GPC5: variants seen among roughly 807,000 people sequenced by gnomAD.
GPC5 encodes the protein glypican 5.
Under a neutral mutation model 53.9 loss-of-function variants are expected in GPC5, and 47 were observed. The ratio of observed to expected loss-of-function variants is 0.87; its 90% CI spans 0.69 to 1.11. The LOEUF (loss-of-function observed/expected upper bound fraction) is 1.11, where lower values mean the gene tolerates loss of function less well. Ranked by LOEUF, GPC5 falls within the 50% of genes most tolerant of loss-of-function variation. The pLI is 0.00. For synonymous variants in GPC5, 286 were observed against 263.3 expected, an observed-to-expected ratio of 1.09 and a Z score of -0.84; for missense variants, 748 against 713.1, an observed-to-expected ratio of 1.05 and a Z score of -0.56.
At chr13:92,720,583 TATA>T (rs1168113272) in intron 7 of GPC5, among the ~76,000 whole-genome samples, 3 of 152,042 alleles carry the variant, frequency 2.0e-5, no homozygotes, top group African/African-American at 7.2e-5. Context: ...GAAATAAAAA[TATA>T]AGAGTATAAT....
intron 2 of GPC5, among the ~76,000 whole-genome samples, chr13:91,653,564 G>A (rs1436033437): frequency 6.6e-6 from 1 of 151,876 alleles, no homozygotes; most frequent in Non-Finnish European, 1.5e-5. Context: ...AATGCTTGAG[G>A]GAATGGACAC....
chr13:91,538,137 G>GAGGTATGA (rs1474438200), intron 2 of GPC5, among the ~76,000 whole-genome samples: 1 of 152,202 alleles, frequency 6.6e-6, no homozygotes, highest in African/African-American at 2.4e-5. Flanking sequence ...CCATAGATTA[G>GAGGTATGA]AGGTATGACT....
chr13:91,985,181 A>G (rs534285587), intron 6 of GPC5, among the ~76,000 whole-genome samples: 71 of 152,240 alleles, frequency 4.7e-4, no homozygotes, highest in African/African-American at 1.7e-3. Context: ...TTTTTGTTAA[A>G]CTGCCCCTTT....
chr13:91,501,352 G>A (rs1047113286), intron 2 of GPC5, among the ~76,000 whole-genome samples: 10 of 149,666 alleles, frequency 6.7e-5, no homozygotes, highest in Non-Finnish European at 1.0e-4. Flanking sequence ...CCAGTAACTC[G>A]TCATTTAACA....
chr13:92,580,027 G>A (rs80192088), intron 7 of GPC5, among the ~76,000 whole-genome samples: 2 of 152,176 alleles, frequency 1.3e-5, no homozygotes, highest in African/African-American at 4.8e-5. Flanking sequence ...AGAGGTGAAA[G>A]AGACCTCTGT....
intron 6 of GPC5, among the ~76,000 whole-genome samples, chr13:92,016,344 C>G (rs1323103047): frequency 6.6e-6 from 1 of 152,090 alleles, no homozygotes; most frequent in Non-Finnish European, 1.5e-5. Context: ...TGTCTTTATT[C>G]TGCAGGAAAC....
chr13:91,992,184 A>T (rs1190589555), intron 6 of GPC5, among the ~76,000 whole-genome samples: 2 of 152,016 alleles, frequency 1.3e-5, no homozygotes, highest in Non-Finnish European at 2.9e-5. Context: ...GGTGCACAAC[A>T]CTATTCCTGG....
chr13:91,468,368 T>C (rs7318926), intron 2 of GPC5, among the ~76,000 whole-genome samples: 10,392 of 152,212 alleles, frequency 0.068, 430 homozygotes, highest in Non-Finnish European at 0.092. Context: ...TACTTCATAA[T>C]GTAACCTTAT....
chr13:92,797,997 A>G (rs1319900203), intron 7 of GPC5, among the ~76,000 whole-genome samples: 1 of 151,834 alleles, frequency 6.6e-6, no homozygotes, highest in African/African-American at 2.4e-5. Flanking sequence ...TCCACTCTTC[A>G]CTTTTCCCCC....
chr13:91,582,627 T>C (rs1455017413), intron 2 of GPC5, among the ~76,000 whole-genome samples: 1 of 152,112 alleles, frequency 6.6e-6, no homozygotes, highest in African/African-American at 2.4e-5. Flanking sequence ...CAGCAGAAAA[T>C]TATTTAATGT....
chr13:92,474,492 G>C (rs1879027546), intron 7 of GPC5, among the ~76,000 whole-genome samples: 1 of 151,848 alleles, frequency 6.6e-6, no homozygotes. Flanking sequence ...ACTGAGCAAG[G>C]TCATCCCATA....
At chr13:91,867,676 A>G (rs2039099495) in intron 5 of GPC5, among the ~76,000 whole-genome samples, 1 of 152,258 alleles carries the variant, frequency 6.6e-6, no homozygotes, top group African/African-American at 2.4e-5. Context: ...CTTAGAATTA[A>G]GCCAGAGTGC....
chr13:92,728,791 C>CA (rs1278814332), intron 7 of GPC5, among the ~76,000 whole-genome samples: 5 of 151,142 alleles, frequency 3.3e-5, no homozygotes, highest in Admixed American at 2.0e-4. Flanking sequence ...GTAATTTTTG[C>CA]ATGTTGCATT....
At chr13:92,619,820 C>T (rs1014237088) in intron 7 of GPC5, among the ~76,000 whole-genome samples, 4 of 151,700 alleles carry the variant, frequency 2.6e-5, no homozygotes, top group Admixed American at 6.6e-5. Context: ...AAAGTTATAC[C>T]AAAGTGAAAA....
At chr13:91,616,206 C>T (rs1266264751) in intron 2 of GPC5, among the ~76,000 whole-genome samples, 1 of 152,048 alleles carries the variant, frequency 6.6e-6, no homozygotes, top group African/African-American at 2.4e-5. Context: ...ATTCTTGTTT[C>T]ATTATGGAGC....
At chr13:92,228,597 A>C (rs1468930324) in intron 7 of GPC5, among the ~76,000 whole-genome samples, 1 of 152,174 alleles carries the variant, frequency 6.6e-6, no homozygotes, top group Non-Finnish European at 1.5e-5. Context: ...TAACTTCAAA[A>C]ATCCTAAGGA....
intron 7 of GPC5, among the ~76,000 whole-genome samples, chr13:92,405,653 A>C (rs767188327): frequency 7.9e-5 from 12 of 152,194 alleles, no homozygotes; most frequent in Non-Finnish European, 1.5e-4. Flanking sequence ...AAAGCTCCTA[A>C]TATTCTACAT....
Position 92,371,107 on chromosome 13 carries a change from G to A in GPC5, c.1561+226118G>A, listed in dbSNP as rs554396879. 4.6e-5 allele frequency among the ~76,000 whole-genome samples: 7 copies of A among 152,298 alleles called. No homozygotes were observed. The South Asian group carries it at 1.5e-3, about 32-fold the overall frequency. On this transcript the variant is annotated intron_variant, in intron 7 of 7. Coordinates refer to ENST00000377067, the MANE Select transcript of GPC5 (RefSeq NM_004466.6). Reference sequence around the variant, plus strand: ...GGAAGTTGCAGTGAGCTGAGATCATGCCACTGTACTCCAGCCTGGGCAACA... The same window carrying A: ...GGAAGTTGCAGTGAGCTGAGATCATACCACTGTACTCCAGCCTGGGCAACA...
intron 7 of GPC5, among the ~76,000 whole-genome samples, chr13:92,742,955 A>G (rs1038983456): frequency 5.3e-5 from 8 of 152,092 alleles, no homozygotes; most frequent in African/African-American, 1.9e-4. Flanking sequence ...CTGTTTTGGT[A>G]CCAGTACCAT....
Sources: allele counts gnomAD v4.1 joint callset (sites outside exome capture counted in the v4.1 genomes callset), GRCh38; gene constraint gnomAD v4.1.1; transcripts MANE v1.5; gene names NCBI Gene and HGNC (gene_info 2026-07-23, HGNC 2026-07-21).